The following PTPRM variants were observed in gnomAD, a reference collection of about 807,000 sequenced individuals.
PTPRM encodes receptor-type tyrosine-protein phosphatase mu.
A neutral mutation model predicts 186.7 loss-of-function variants in PTPRM; 47 were observed. That is an observed-to-expected ratio of 0.25 (90% CI 0.20 to 0.32). PTPRM has a LOEUF of 0.32. Among genes scored for constraint, PTPRM ranks in the 10% least tolerant of loss-of-function variants. PTPRM has a pLI of 1.00. For missense variants in PTPRM, 1,494 were observed against 1,865.0 expected (o/e 0.80, Z 3.66); for synonymous variants, 668 against 674.9 (o/e 0.99, Z 0.16).
At chr18:8,206,527 C>A (rs1055173540) in intron 14 of PTPRM, among the ~76,000 whole-genome samples, 1 of 152,092 alleles carries the variant, frequency 6.6e-6, no homozygotes. Context: ...GGATTACAGT[C>A]GTGAACCACC....
intron 2 of PTPRM, among the ~76,000 whole-genome samples, chr18:7,869,985 C>T (rs1265688901): frequency 2.0e-5 from 3 of 152,120 alleles, no homozygotes; most frequent in Admixed American, 2.0e-4. Context: ...TATGAAAGCT[C>T]ATGGTTCTGA....
At chr18:8,353,680 G>C (rs1316285439) in intron 23 of PTPRM, among the ~76,000 whole-genome samples, 1 of 151,982 alleles carries the variant, frequency 6.6e-6, no homozygotes, top group Non-Finnish European at 1.5e-5. Flanking sequence ...TAGGTGTAAG[G>C]AGAGGCAATG....
chr18:7,926,539 A>C, intron 4 of PTPRM, 29 bp from the exon 5 acceptor site: 4 of 1,499,932 alleles, frequency 2.7e-6, no homozygotes, highest in Non-Finnish European at 3.7e-6. Context: ...CTCCACTTTT[A>C]ATATCTTTCA....
chr18:8,303,769 TC>T (rs1193424173), intron 20 of PTPRM, among the ~76,000 whole-genome samples: 3 of 152,044 alleles, frequency 2.0e-5, no homozygotes, highest in African/African-American at 7.2e-5. Flanking sequence ...AACTCAAACT[TC>T]CTGCTCAGAA....
intron 7 of PTPRM, among the ~76,000 whole-genome samples, chr18:8,007,560 C>A (rs1338976440): frequency 6.6e-6 from 1 of 152,096 alleles, no homozygotes; most frequent in Admixed American, 6.5e-5. Flanking sequence ...TCTAACAGTG[C>A]CCAGCAAGCC....
intron 7 of PTPRM, among the ~76,000 whole-genome samples, chr18:8,046,545 G>A (rs1226993903): frequency 6.6e-6 from 1 of 152,162 alleles, no homozygotes. Context: ...CTTGCAGCAG[G>A]GGAGGGAGGG....
chr18:7,983,977 C>A (rs1299235909), intron 7 of PTPRM, among the ~76,000 whole-genome samples: 1 of 152,178 alleles, frequency 6.6e-6, no homozygotes, highest in Non-Finnish European at 1.5e-5. Flanking sequence ...GGTAGCTGAT[C>A]AATTTGCCTT....
chr18:7,822,957 G>T (rs933059523), intron 2 of PTPRM, among the ~76,000 whole-genome samples: 16 of 152,142 alleles, frequency 1.1e-4, no homozygotes, highest in African/African-American at 3.6e-4. Flanking sequence ...CCTGTGCAGT[G>T]TAGGATGTTC....
At chr18:8,392,382 T>C (rs1195430974) in intron 31 of PTPRM, among the ~76,000 whole-genome samples, 2 of 152,052 alleles carry the variant, frequency 1.3e-5, no homozygotes, top group Non-Finnish European at 2.9e-5. Context: ...CCCAGCACTT[T>C]GGGAGGCCGG....
chr18:8,141,746 A>G (rs1359989009), intron 13 of PTPRM, among the ~76,000 whole-genome samples: 3 of 140,080 alleles, frequency 2.1e-5, no homozygotes, highest in East Asian at 2.1e-4. Flanking sequence ...CCAGCTATCT[A>G]TAACTAGTGA....
intron 23 of PTPRM, chr18:8,366,769 G>A (rs972189237): frequency 1.3e-5 from 2 of 152,222 alleles, no homozygotes; most frequent in Non-Finnish European, 1.5e-5. Flanking sequence ...CCTGATTGAT[G>A]GCCTGGTGGA....
intron 14 of PTPRM, among the ~76,000 whole-genome samples, chr18:8,204,499 GA>G (rs565682935): frequency 6.1e-5 from 9 of 148,092 alleles, no homozygotes; most frequent in African/African-American, 1.7e-4. Context: ...AAAGAGGAAA[GA>G]AAAAAAAAAT....
intron 2 of PTPRM, among the ~76,000 whole-genome samples, chr18:7,829,492 T>C (rs1433913853): frequency 1.3e-5 from 2 of 152,230 alleles, no homozygotes; most frequent in Non-Finnish European, 2.9e-5. Flanking sequence ...ACAGGTGAGA[T>C]ATCCTTTCAA....
chr18:7,776,301 C>G (rs959425696), intron 2 of PTPRM, among the ~76,000 whole-genome samples: 1 of 152,102 alleles, frequency 6.6e-6, no homozygotes, highest in African/African-American at 2.4e-5. Context: ...ACCCTCACCC[C>G]CAAACAGATT....
chr18:7,774,343 A>T, intron 2 of PTPRM, 72 bp downstream of exon 2: 1 of 1,547,902 alleles, frequency 6.5e-7, no homozygotes, highest in Admixed American at 1.7e-5. Flanking sequence ...TGTTCACTGG[A>T]TATTGGTTAA....
chr18:8,331,070 G>A (rs887228896), intron 22 of PTPRM, among the ~76,000 whole-genome samples: 4 of 144,910 alleles, frequency 2.8e-5, no homozygotes, highest in Non-Finnish European at 6.0e-5. Context: ...TGCCTTTCTC[G>A]ACCTGCTTTC....
At chr18:7,612,198 G>GTGTGT (rs1202857722) in intron 1 of PTPRM, among the ~76,000 whole-genome samples, 1 of 151,716 alleles carries the variant, frequency 6.6e-6, no homozygotes, top group Non-Finnish European at 1.5e-5. Context: ...TGTGTGTGTG[G>GTGTGT]TGTGTGCATG....
intron 23 of PTPRM, chr18:8,364,972 G>C (rs1202337480): frequency 1.3e-5 from 2 of 152,268 alleles, no homozygotes; most frequent in Admixed American, 6.5e-5. Flanking sequence ...AGGCAGAGTA[G>C]AAACGCAGCA....
intron 11 of PTPRM, among the ~76,000 whole-genome samples, chr18:8,103,276 C>G (rs933852965): frequency 3.3e-5 from 5 of 152,192 alleles, no homozygotes; most frequent in Non-Finnish European, 7.3e-5. Flanking sequence ...GACTTCTCCT[C>G]TTCAGCTATG....
Sources: gnomAD v4.1 joint callset for allele counts (sites outside exome capture counted in the v4.1 genomes callset) on GRCh38, gnomAD v4.1.1 for gene constraint, MANE v1.5 for transcripts, NCBI Gene and HGNC (gene_info 2026-07-23, HGNC 2026-07-21) for gene names.